SPTB: variants seen among roughly 807,000 people sequenced by gnomAD.
The protein encoded by SPTB is spectrin beta, erythrocytic, also known as spectrin beta chain, erythrocytic.
SPTB carries 45 observed loss-of-function variants against 256.2 expected under a neutral mutation model. The ratio of observed to expected loss-of-function variants is 0.18; its 90% confidence interval spans 0.14 to 0.23. The LOEUF is 0.23. SPTB is among the 10% of genes least tolerant of loss of function. The probability of loss-of-function intolerance (pLI) is 1.00; values close to 1 mark genes in which losing one functional copy is unlikely to be tolerated. For synonymous variants in SPTB, 1,231 were observed against 1,243.1 expected (o/e 0.99, Z 0.21); for missense variants, 2,715 against 3,040.4 (o/e 0.89, Z 2.52).
intron 27 of SPTB, among the ~76,000 whole-genome samples, chr14:64,770,476 C>T (rs2082262544): frequency 6.6e-6 from 1 of 152,206 alleles, no homozygotes; most frequent in African/African-American, 2.4e-5. Context: ...GACTCCTCCT[C>T]TCATGGACGA....
At chr14:64,768,730 C>T (rs1451654535) in intron 29 of SPTB, among the ~76,000 whole-genome samples, 2 of 151,730 alleles carry the variant, frequency 1.3e-5, no homozygotes, top group East Asian at 2.0e-4. Flanking sequence ...CCCAACTCCT[C>T]CCCCAGGCCA....
rs373041239 is a variant in SPTB, at chr14:64,823,375, C to T, written c.-51-230G>A. On this transcript the variant is annotated intron_variant, in intron 1 of 35. Coordinates refer to ENST00000644917, the MANE Select transcript of SPTB (RefSeq NM_001355436.2). The surrounding 1 kb of genome is among the most constrained non-coding windows in gnomAD (Gnocchi z 6.5). ...GCAGTGGCAGGGATGGAGAGCTGCACGTAGCAAGGGTCAGGACGGCCAGCA... is the reference window on the plus strand; with the variant it reads ...GCAGTGGCAGGGATGGAGAGCTGCATGTAGCAAGGGTCAGGACGGCCAGCA... 6.6e-6 allele frequency among the ~76,000 whole-genome samples: 1 copy of T among 152,142 alleles called. No homozygotes were observed. Among genetic ancestry groups the T allele is most frequent in the African/African-American group, 2.4e-5 (1 of 41,426 alleles).
At chr14:64,767,572 G>A (rs2139479991) in intron 30 of SPTB, 91 bp downstream of exon 30, 3 of 1,530,142 alleles carry the variant, frequency 2.0e-6, no homozygotes, top group East Asian at 2.2e-5. Flanking sequence ...ACCATTCTAA[G>A]TACCTAACAA....
Position 64,763,379 on chromosome 14 carries a change from G to A in SPTB, c.6345+3347C>T, listed in dbSNP as rs567004653. Among the ~76,000 whole-genome samples, 17 of 152,314 alleles carry A rather than the reference G, an allele frequency of 1.1e-4. No individual in the cohort carries two copies. The South Asian group carries it at 3.5e-3, about 32-fold the overall frequency. The stretch of plus-strand genomic sequence containing the variant: ...CAGCCCCACCTCTAGTCCCCCACAG[G>A]GACGAAGGCAAACACCCCAGCCCTT... On this transcript the variant is annotated intron_variant, in intron 32 of 35. Coordinates refer to ENST00000644917, the MANE Select transcript of SPTB (RefSeq NM_001355436.2).
At position 64,803,732 on chromosome 14, in the gene SPTB, C is replaced by G; in HGVS notation, c.349G>C (p.Asp117His). The change falls in exon 4 of 36, where the codon GAC becomes CAC. Residue 117 changes from aspartate (D) to histidine (H), a missense_variant. By Grantham distance (81) the Asp-to-His change is moderately conservative (BLOSUM62 -1). Coordinates refer to ENST00000644917, the MANE Select transcript of SPTB (RefSeq NM_001355436.2). ...TCCTTGAGGAACTGGAGAGCCTTGTCCACATTCTCCAGGCAGTGGATGCGC... is the reference window on the plus strand; with the variant it reads ...TCCTTGAGGAACTGGAGAGCCTTGTGCACATTCTCCAGGCAGTGGATGCGC... ...KMRIHCLENVDKALQFLKEQR... is the reference protein window; with the variant it reads ...KMRIHCLENVHKALQFLKEQR... The G allele has an allele frequency of 1.1e-5, 17 of 1,614,074 alleles. No individual in the cohort carries two copies. Among genetic ancestry groups the G allele is most frequent in the Non-Finnish European group, 1.4e-5 (17 of 1,179,992 alleles).
intron 32 of SPTB, among the ~76,000 whole-genome samples, chr14:64,757,786 A>G (rs2082036458): frequency 6.6e-6 from 1 of 152,160 alleles, no homozygotes; most frequent in Non-Finnish European, 1.5e-5. Context: ...GGGGACAAGG[A>G]GGAAGAACCA....
chr14:64,753,725 C>T lies in SPTB; in HGVS notation c.6414G>A (p.Gly2138=). 6.2e-7 allele frequency: 1 copy of T among 1,613,798 alleles called. No homozygotes were observed. Among genetic ancestry groups the T allele is most frequent in the Non-Finnish European group, 8.5e-7 (1 of 1,180,026 alleles). The change falls in exon 33 of 36, where the codon GGG becomes GGA. Residue 2138 remains glycine, a synonymous_variant. Transcript: ENST00000644917. ...QPPPPGQHKD[G]QKSTGDERPT... ...GCCTCTCATCCCCAGTGGATTTCTG[C>T]CCATCCTTGTGCTGACCCGGCGGTG...
intron 30 of SPTB, 131 bp downstream of exon 30, chr14:64,767,532 C>A: frequency 7.1e-7 from 1 of 1,400,008 alleles, no homozygotes; most frequent in Non-Finnish European, 1.0e-6. Flanking sequence ...GTCTTTCCTT[C>A]CCATTGTCGC....
chr14:64,773,229 G>A lies in SPTB; in HGVS notation c.5169C>T (p.Asp1723=). The part of the protein sequence containing the change: ...ASSPEMGQDF[D]HVTLLRDKFR... The stretch of plus-strand genomic sequence containing the variant: ...AGTTGTGGCTACTCACAGTCACGTG[G>A]TCAAAGTCTTGCCCCATTTCCGGGG... The change falls in exon 25 of 36, where the codon GAC becomes GAT. Residue 1723 remains aspartate, a synonymous_variant. Coordinates refer to ENST00000644917, the MANE Select transcript of SPTB (RefSeq NM_001355436.2). 3 of 1,614,232 alleles carry A rather than the reference G, an allele frequency of 1.9e-6. No homozygotes were observed. The highest frequency in any genetic ancestry group is 1.1e-5 in the South Asian group (1 of 91,086).
rs77323770 is a variant in SPTB at position 64,811,266 on chromosome 14, A to G, written c.149-6176T>C. 3.5e-3 allele frequency among the ~76,000 whole-genome samples: 534 copies of G among 152,372 alleles called. 27 individuals carry two copies. In the East Asian group the frequency reaches 0.096, roughly 28 times the overall value. On this transcript the variant is annotated intron_variant, in intron 2 of 35. Transcript: ENST00000644917. ...AAAAAGACCAGTAATGTGAACAAAG[A>G]GTTAACAGAAAAAATTATAAGCATC...
At position 64,749,207 on chromosome 14, in the gene SPTB, A is replaced by C; in HGVS notation, c.*99T>G. The C allele has an allele frequency of 7.0e-7, 1 of 1,434,236 alleles. No individual in the cohort carries two copies. The highest frequency in any genetic ancestry group is 9.4e-7 in the Non-Finnish European group (1 of 1,060,210). The allele number at this position is 1,434,236 out of a possible 1,614,324, so 88.8% of individuals were successfully genotyped here. On this transcript the variant is annotated 3_prime_UTR_variant, in exon 36 of 36. Transcript: ENST00000644917. The surrounding 1 kb of genome is among the most constrained non-coding windows in gnomAD (Gnocchi z 4.7). ...GGGGGCCCGGCCCGCGACTCGACTC[A>C]TCTCGATTCGACCGGCGGGCGGCGG... is the stretch of plus-strand genomic sequence containing the variant.
rs182805176 is a variant in SPTB at position 64,869,348 on chromosome 14, T to C, written c.-52+10444A>G. On this transcript the variant is annotated intron_variant, in intron 1 of 35. Transcript: ENST00000644917. Reference sequence around the variant, plus strand: ...AAAATTATATGAACTTAGTTACGTGTAATTTCAAACATTCATTCTTTAATT... The same window carrying C: ...AAAATTATATGAACTTAGTTACGTGCAATTTCAAACATTCATTCTTTAATT... 2.6e-5 allele frequency among the ~76,000 whole-genome samples: 4 copies of C among 152,352 alleles called. No homozygotes were observed. In the East Asian group the frequency reaches 5.8e-4, roughly 22 times the overall value.
At position 64,775,003 on chromosome 14, in the gene SPTB, T is replaced by C; in HGVS notation, c.4842+122A>G. 2.8e-6 allele frequency: 4 copies of C among 1,414,278 alleles called. No homozygotes were observed. Among genetic ancestry groups the C allele is most frequent in the Non-Finnish European group, 4.0e-6 (4 of 1,011,406 alleles). The allele number at this position is 1,414,278 out of a possible 1,614,324, so 87.6% of individuals were successfully genotyped here. A position where few individuals can be genotyped will look rare whatever the true frequency, so the allele number is the denominator to read the frequency against. On this transcript the variant is annotated intron_variant, in intron 23 of 35. Transcript: ENST00000644917. The surrounding 1 kb of genome is among the most constrained non-coding windows in gnomAD (Gnocchi z 5.0). Reference sequence around the variant, plus strand: ...GAGGGCAGGGAGTCTGTGGGTTCCTTGTGCCCCTCCCCTGGCCTCACTCCT... The same window carrying C: ...GAGGGCAGGGAGTCTGTGGGTTCCTCGTGCCCCTCCCCTGGCCTCACTCCT...
intron 1 of SPTB, among the ~76,000 whole-genome samples, chr14:64,854,744 C>G (rs527404013): frequency 9.2e-5 from 14 of 152,264 alleles, no homozygotes; most frequent in Admixed American, 2.6e-4. Flanking sequence ...CGGATTACAC[C>G]CCATCCCATC....
rs1424390093 is a variant in SPTB, at chr14:64,797,500, AAAG to A, written c.1182+226_1182+228del. On this transcript the variant is annotated intron_variant, in intron 10 of 35. Coordinates refer to ENST00000644917, the MANE Select transcript of SPTB (RefSeq NM_001355436.2). ...AAAAAAAAAAAAAAAAAAAAAAAAAAAAGGACTCAGGGATGCAGGGCATCTGAA... is the reference window on the plus strand; with the variant it reads ...AAAAAAAAAAAAAAAAAAAAAAAAAAGACTCAGGGATGCAGGGCATCTGAA... Among the ~76,000 whole-genome samples the A allele has an allele frequency of 6.0e-3, 745 of 123,636 alleles. 18 individuals are homozygous for A. Among genetic ancestry groups the A allele is most frequent in the East Asian group, 0.03 (92 of 3,082 alleles). 81.1% of individuals were successfully genotyped at this position (123,636 alleles called of 152,430 possible).
At position 64,799,809 on chromosome 14, in the gene SPTB, C is replaced by T. The variant is rs1459958495; in HGVS notation, c.1002G>A (p.Leu334=). The change falls in exon 9 of 36, where the codon CTG becomes CTA. Residue 334 remains leucine, a synonymous_variant. Transcript: ENST00000644917. ...CCTGCAGCTGCTGCTGGACGCCCGT[C>T]AGCGAGTTGGCAAACTTGCGGCTGT... ...VLNSRKFANS[L]TGVQQQLQAF... The T allele has an allele frequency of 1.2e-6, 2 of 1,614,258 alleles. No homozygotes were observed. Among genetic ancestry groups the T allele is most frequent in the Non-Finnish European group, 1.7e-6 (2 of 1,180,056 alleles).
In SPTB at chr14:64,774,544, G is replaced by A. The variant is rs765843766; in HGVS notation, c.4843-17C>T. ...CTCTTCATCCTAGGAGGCAGCAGAC[G>A]GTCAGCGCCAGAGCTCAGTCTGGCC... is the stretch of plus-strand genomic sequence containing the variant. On this transcript the variant is annotated splice_polypyrimidine_tract_variant and intron_variant, in intron 23 of 35. Transcript: ENST00000644917. 5.8e-6 allele frequency: 9 copies of A among 1,552,248 alleles called. No homozygotes were observed. Among genetic ancestry groups the A allele is most frequent in the East Asian group, 2.4e-5 (1 of 41,038 alleles).
intron 1 of SPTB, among the ~76,000 whole-genome samples, chr14:64,872,317 C>T (rs184207827): frequency 6.6e-6 from 1 of 152,302 alleles, no homozygotes; most frequent in Non-Finnish European, 1.5e-5. Flanking sequence ...CCAACTGCAT[C>T]TCACCAGGAC....
chr14:64,879,386 G>A (rs1882997343), intron 1 of SPTB, among the ~76,000 whole-genome samples: 1 of 152,224 alleles, frequency 6.6e-6, no homozygotes. Context: ...AAAAAAGGCA[G>A]AGAGCAGCGC....
Sources: allele counts gnomAD v4.1 joint callset (sites outside exome capture counted in the v4.1 genomes callset), GRCh38; gene constraint gnomAD v4.1.1; non-coding constraint Gnocchi (gnomAD v3.1); transcripts MANE v1.5; gene names NCBI Gene and HGNC (gene_info 2026-07-23, HGNC 2026-07-21).